The following SLC10A7 variants were observed in gnomAD, a reference collection of about 807,000 sequenced individuals.
SLC10A7 encodes sodium/bile acid cotransporter 7.
A neutral mutation model predicts 43.2 loss-of-function variants in SLC10A7; 29 were observed. The ratio of observed to expected loss-of-function variants is 0.67; its 90% CI spans 0.50 to 0.92. The LOEUF is 0.92. Among genes scored for constraint, SLC10A7 ranks in the 40% least tolerant of loss-of-function variants. The pLI, the probability that SLC10A7 is intolerant of heterozygous loss-of-function variation, is 0.00. For synonymous variants in SLC10A7, 152 were observed against 144.8 expected, an observed-to-expected ratio of 1.05 and a Z score of -0.35; for missense variants, 295 against 403.2, an observed-to-expected ratio of 0.73 and a Z score of 2.30.
chr4:146,300,437 C>T (rs950690427), intron 7 of SLC10A7, among the ~76,000 whole-genome samples: 3 of 152,112 alleles, frequency 2.0e-5, no homozygotes, highest in African/African-American at 7.2e-5. Context: ...TTGTTGTGTA[C>T]CACACACTCT....
chr4:146,455,965 T>C (rs1732015949), intron 4 of SLC10A7, among the ~76,000 whole-genome samples: 1 of 151,880 alleles, frequency 6.6e-6, no homozygotes, highest in Admixed American at 6.6e-5. Flanking sequence ...GTTTAACGAC[T>C]GGCTCTTAGG....
intron 4 of SLC10A7, among the ~76,000 whole-genome samples, chr4:146,489,932 T>C (rs1007283605): frequency 1.4e-5 from 2 of 143,982 alleles, no homozygotes; most frequent in African/African-American, 5.2e-5. Flanking sequence ...AAGTAGGCTC[T>C]TTTTTTTTTT....
chr4:146,400,581 G>T (rs1453446560), intron 5 of SLC10A7, among the ~76,000 whole-genome samples: 2 of 152,004 alleles, frequency 1.3e-5, no homozygotes, highest in African/African-American at 2.4e-5. Context: ...GAGGCACTGT[G>T]GTAGTAATTA....
At chr4:146,331,694 T>C (rs1733547505) in intron 5 of SLC10A7, among the ~76,000 whole-genome samples, 1 of 152,208 alleles carries the variant, frequency 6.6e-6, no homozygotes, top group South Asian at 2.1e-4. Context: ...TCTTCTGAAC[T>C]TGTATTAATG....
chr4:146,445,168 C>A (rs369206394), intron 4 of SLC10A7, among the ~76,000 whole-genome samples: 4 of 152,136 alleles, frequency 2.6e-5, no homozygotes, highest in African/African-American at 7.2e-5. Context: ...TTCTTATCTC[C>A]TTGCTCCCTG....
intron 3 of SLC10A7, among the ~76,000 whole-genome samples, chr4:146,506,732 G>A (rs1022287108): frequency 9.2e-5 from 14 of 151,690 alleles, no homozygotes; most frequent in Admixed American, 8.5e-4. Context: ...AGTCATTCTG[G>A]TGTTTTTGTT....
intron 5 of SLC10A7, among the ~76,000 whole-genome samples, chr4:146,432,548 A>G (rs774545813): frequency 1.3e-5 from 2 of 152,184 alleles, no homozygotes; most frequent in Non-Finnish European, 1.5e-5. Context: ...AAAAGGCAAA[A>G]GTATAGAGAA....
chr4:146,369,575 C>CTT (rs369493425), intron 5 of SLC10A7, among the ~76,000 whole-genome samples: 56 of 152,240 alleles, frequency 3.7e-4, no homozygotes, highest in African/African-American at 1.3e-3. Context: ...ATTCAGTGAA[C>CTT]TTTCACCTTG....
intron 4 of SLC10A7, among the ~76,000 whole-genome samples, chr4:146,450,168 C>A (rs1019263943): frequency 6.6e-6 from 1 of 152,044 alleles, no homozygotes; most frequent in African/African-American, 2.4e-5. Context: ...TGGATTCAAC[C>A]AACCACAGAT....
intron 9 of SLC10A7, among the ~76,000 whole-genome samples, chr4:146,285,782 T>G (rs1298051269): frequency 1.3e-5 from 2 of 152,210 alleles, no homozygotes; most frequent in South Asian, 4.1e-4. Context: ...GAGTTTGTAG[T>G]GGTAAAAAGG....
At chr4:146,278,340 G>C (rs567031712) in intron 10 of SLC10A7, among the ~76,000 whole-genome samples, 59 of 152,200 alleles carry the variant, frequency 3.9e-4, no homozygotes, top group African/African-American at 1.4e-3. Context: ...GTACCAAGTA[G>C]AATAGGCTTT....
chr4:146,371,778 A>G (rs985006912), intron 5 of SLC10A7, among the ~76,000 whole-genome samples: 9 of 152,188 alleles, frequency 5.9e-5, no homozygotes, highest in African/African-American at 2.2e-4. Flanking sequence ...GTATAAAAAC[A>G]GGGCCTCACT....
intron 5 of SLC10A7, among the ~76,000 whole-genome samples, chr4:146,422,334 T>C (rs1005391952): frequency 7.9e-5 from 12 of 152,200 alleles, no homozygotes; most frequent in African/African-American, 2.4e-4. Flanking sequence ...AATTCTTGCA[T>C]TTCATAGAAC....
chr4:146,446,740 T>TATC (rs1731117248), intron 4 of SLC10A7, among the ~76,000 whole-genome samples: 6 of 143,712 alleles, frequency 4.2e-5, no homozygotes, highest in African/African-American at 1.6e-4. Flanking sequence ...GTGAGAAGGT[T>TATC]TATCTATCTA....
At chr4:146,287,509 G>T (rs1368445685) in intron 9 of SLC10A7, among the ~76,000 whole-genome samples, 1 of 152,126 alleles carries the variant, frequency 6.6e-6, no homozygotes, top group African/African-American at 2.4e-5. Context: ...TTATGTCAGA[G>T]ATTTTACTTT....
chr4:146,386,600 G>T (rs556192904), intron 5 of SLC10A7, among the ~76,000 whole-genome samples: 5 of 152,120 alleles, frequency 3.3e-5, no homozygotes, highest in African/African-American at 1.2e-4. Flanking sequence ...CCCTTCAAAG[G>T]TACCTTCTCT....
intron 9 of SLC10A7, among the ~76,000 whole-genome samples, chr4:146,290,707 A>T (rs1419447721): frequency 1.3e-5 from 2 of 152,106 alleles, no homozygotes; most frequent in African/African-American, 4.8e-5. Flanking sequence ...AAAAAATTAC[A>T]AGTTAGCCGG....
At position 146,255,440 on chromosome 4, in the gene SLC10A7, T is replaced by C. The variant is rs1350060153; in HGVS notation, c.*1051A>G. On this transcript the variant is annotated 3_prime_UTR_variant, in exon 12 of 12. Transcript: ENST00000335472. ...TTTTCATTTATTCATGAAAGCAATA[T>C]GATTTAACTTCTAAAAAAATATTGC... The C allele has an allele frequency of 1.3e-5, 2 of 152,678 alleles. No homozygotes were observed. The highest frequency in any genetic ancestry group is 2.1e-4 in the South Asian group (1 of 4,838). The allele number at this position is 152,678 out of a possible 1,614,324, so 9.5% of individuals were successfully genotyped here. A position where few individuals can be genotyped will look rare whatever the true frequency, so the allele number is the denominator to read the frequency against.
intron 4 of SLC10A7, among the ~76,000 whole-genome samples, chr4:146,475,759 C>A (rs1733967121): frequency 6.6e-6 from 1 of 152,146 alleles, no homozygotes; most frequent in Non-Finnish European, 1.5e-5. Flanking sequence ...CCTCAAAAAA[C>A]CTTTCAATCC....
Sources: allele counts gnomAD v4.1 joint callset (sites outside exome capture counted in the v4.1 genomes callset), GRCh38; gene constraint gnomAD v4.1.1; transcripts MANE v1.5; gene names NCBI Gene and HGNC (gene_info 2026-07-23, HGNC 2026-07-21).